The following KDM2B variants were observed in gnomAD, a reference collection of about 807,000 sequenced individuals.
KDM2B encodes lysine-specific demethylase 2B.
Under a neutral mutation model 150.0 loss-of-function variants are expected in KDM2B, and 26 were observed. The ratio of observed to expected loss-of-function variants is 0.17; its 90% CI spans 0.13 to 0.24. The LOEUF is 0.24. KDM2B is among the 10% of genes least tolerant of loss of function. KDM2B has a pLI of 1.00. For synonymous variants in KDM2B, 734 were observed against 729.5 expected, an observed-to-expected ratio of 1.01 and a Z score of -0.10; for missense variants, 1,265 against 1,816.9, an observed-to-expected ratio of 0.70 and a Z score of 5.52.
At chr12:121,476,226 C>A (rs1476427359) in intron 12 of KDM2B, among the ~76,000 whole-genome samples, 1 of 151,460 alleles carries the variant, frequency 6.6e-6, no homozygotes, top group African/African-American at 2.4e-5. Flanking sequence ...ACCCGGGAGG[C>A]GGAGGTTGCA....
chr12:121,510,526 C>A (rs2140902488), intron 10 of KDM2B, among the ~76,000 whole-genome samples: 1 of 152,252 alleles, frequency 6.6e-6, no homozygotes, highest in Admixed American at 6.5e-5. Context: ...GGTGCAGTGG[C>A]TCACGCCTAT....
rs199816914 is a variant in KDM2B at position 121,440,976 on chromosome 12, C to G, written c.3450G>C (p.Gly1150=). ...QLSWLINRLP[G]LRDLVLSGCS... is the part of the protein sequence containing the mutation. ...AGCCTGACAGCACCAAGTCCCGGAG[C>G]CCTGGGGGGACATAGAAAAGGGTGA... The change falls in exon 21 of 23, where the codon GGG becomes GGC. Residue 1150 remains glycine, a splice_region_variant and synonymous_variant. Coordinates refer to ENST00000377071, the MANE Select transcript of KDM2B (RefSeq NM_032590.5). 5 of 1,613,490 alleles carry G rather than the reference C, an allele frequency of 3.1e-6. No homozygotes were observed. In the African/African-American group the frequency reaches 5.3e-5, roughly 17 times the overall value.
the KDM2B span, among the ~76,000 whole-genome samples, chr12:121,423,001 T>A: frequency 6.6e-6 from 1 of 152,196 alleles, no homozygotes; most frequent in Non-Finnish European, 1.5e-5. The surrounding 1 kb of genome is among the most constrained non-coding windows in gnomAD (Gnocchi z 4.3). Context: ...GCAACTGAGT[T>A]AAATTCCAAT....
chr12:121,579,796 C>T (rs1891811065), intron 1 of KDM2B: 2 of 814,184 alleles, frequency 2.5e-6, no homozygotes, highest in Non-Finnish European at 3.0e-6. Flanking sequence ...CCGATACCAC[C>T]TCCCCACTTA....
At chr12:121,471,104 A>G (rs1880724749) in intron 12 of KDM2B, among the ~76,000 whole-genome samples, 1 of 152,222 alleles carries the variant, frequency 6.6e-6, no homozygotes, top group South Asian at 2.1e-4. Context: ...TGGACTATAT[A>G]TACAATACAA....
chr12:121,469,356 C>G (rs1880494956), intron 12 of KDM2B: 2 of 149,862 alleles, frequency 1.3e-5, no homozygotes, highest in Admixed American at 1.3e-4. Flanking sequence ...TGGCTCACGC[C>G]TGTAATCCCA....
At chr12:121,486,809 A>C (rs560938226) in intron 12 of KDM2B, among the ~76,000 whole-genome samples, 6 of 151,890 alleles carry the variant, frequency 4.0e-5, no homozygotes, top group South Asian at 2.1e-4. Context: ...TCATAATCAT[A>C]ATCATCATCA....
chr12:121,463,510 T>A (rs782598340), intron 12 of KDM2B, among the ~76,000 whole-genome samples: 6 of 152,228 alleles, frequency 3.9e-5, no homozygotes, highest in Admixed American at 3.3e-4. Context: ...TATGACCACA[T>A]AAATTTCTGA....
intron 22 of KDM2B, among the ~76,000 whole-genome samples, chr12:121,438,830 T>TAAAAAAA (rs782041300): frequency 9.9e-4 from 136 of 137,758 alleles, no homozygotes; most frequent in African/African-American, 3.5e-3. Flanking sequence ...TTTCTAAGGG[T>TAAAAAAA]AAAAAAAAAA....
At chr12:121,499,204 C>T (rs1361196739) in intron 11 of KDM2B, among the ~76,000 whole-genome samples, 1 of 151,582 alleles carries the variant, frequency 6.6e-6, no homozygotes, top group African/African-American at 2.4e-5. Context: ...TCTACCTCCC[C>T]AGTTCCACCG....
intron 12 of KDM2B, among the ~76,000 whole-genome samples, chr12:121,464,407 G>A (rs1456296089): frequency 3.9e-5 from 6 of 152,242 alleles, no homozygotes; most frequent in Admixed American, 6.5e-5. Context: ...AGCACACAAG[G>A]GGTCTCCCGC....
At position 121,509,712 on chromosome 12, in the gene KDM2B, T is replaced by C. The variant is rs1481529967; in HGVS notation, c.1502A>G (p.Glu501Gly). ...GAGATGGGTCCATTTGGCAGAGACC[T>C]CCGTGGCGGGAGAGCCGGTGGGGGT... The part of the protein sequence containing the change: ...PKTPTGSPAT[E>G]VSAKWTHLTE... Residue 501 changes from glutamate to glycine, a missense_variant, in exon 11 of 23, where the codon GAG becomes GGG. Around this residue, in one of 11 missense-constraint regions of KDM2B, gnomAD observed 154 missense variants for 162.5 expected, o/e 0.95. Coordinates refer to ENST00000377071, the MANE Select transcript of KDM2B (RefSeq NM_032590.5). 6 of 1,613,970 alleles carry C rather than the reference T, an allele frequency of 3.7e-6. No homozygotes were observed. The highest frequency in any genetic ancestry group is 5.1e-6 in the Non-Finnish European group (6 of 1,180,032).
Position 121,513,496 on chromosome 12 carries a change from G to C in KDM2B, c.1048-94C>G. 7.1e-7 allele frequency: 1 copy of C among 1,404,910 alleles called. No individual in the cohort carries two copies. The highest frequency in any genetic ancestry group is 9.9e-7 in the Non-Finnish European group (1 of 1,006,448). The allele number at this position is 1,404,910 out of a possible 1,614,324, so 87.0% of individuals were successfully genotyped here. On this transcript the variant is annotated intron_variant, in intron 9 of 22. Coordinates refer to ENST00000377071, the MANE Select transcript of KDM2B (RefSeq NM_032590.5). The surrounding 1 kb of genome is among the most constrained non-coding windows in gnomAD (Gnocchi z 5.0). ...TGCGGGGCAGGCTCCCTGCAGGTGAGGGTCACTGTCATCATCTTAGCGAGA... is the reference window on the plus strand; with the variant it reads ...TGCGGGGCAGGCTCCCTGCAGGTGACGGTCACTGTCATCATCTTAGCGAGA...
chr12:121,439,384 T>C (rs1270199102), intron 22 of KDM2B, among the ~76,000 whole-genome samples: 2 of 151,130 alleles, frequency 1.3e-5, no homozygotes, highest in Non-Finnish European at 3.0e-5. Flanking sequence ...TGGTAACTTT[T>C]TTTTTTTTTT....
At position 121,523,078 on chromosome 12, in the gene KDM2B, C is replaced by T. The variant is rs906431112; in HGVS notation, c.932-1978G>A. On this transcript the variant is annotated intron_variant, in intron 8 of 22. Coordinates refer to ENST00000377071, the MANE Select transcript of KDM2B (RefSeq NM_032590.5). ...ACACAGCGTGGGGCTAGGAGATGGG[C>T]AGGAGGAGAATCAACCCCAATTCAC... is the stretch of plus-strand genomic sequence containing the variant. 1.2e-4 allele frequency among the ~76,000 whole-genome samples: 18 copies of T among 152,170 alleles called. 1 individual carries two copies. Among genetic ancestry groups the T allele is most frequent in the Admixed American group, 1.2e-3 (18 of 15,280 alleles).
intron 12 of KDM2B, among the ~76,000 whole-genome samples, chr12:121,455,868 G>T (rs1555292613): frequency 6.6e-6 from 1 of 152,194 alleles, no homozygotes; most frequent in Non-Finnish European, 1.5e-5. Flanking sequence ...AGTAAAACGA[G>T]ATCAGTTTTC....
chr12:121,548,212 A>G (rs781554538), intron 6 of KDM2B, among the ~76,000 whole-genome samples: 9 of 152,168 alleles, frequency 5.9e-5, no homozygotes, highest in Non-Finnish European at 8.8e-5. Context: ...GGTTGCAGTC[A>G]GCAGAGATCG....
At chr12:121,460,744 A>G (rs1444267301) in intron 12 of KDM2B, among the ~76,000 whole-genome samples, 2 of 151,944 alleles carry the variant, frequency 1.3e-5, no homozygotes, top group African/African-American at 4.8e-5. Context: ...GTCATTCATC[A>G]ATATCTGTAT....
intron 12 of KDM2B, among the ~76,000 whole-genome samples, chr12:121,460,690 G>C (rs1017178361): frequency 6.6e-6 from 1 of 152,162 alleles, no homozygotes; most frequent in Non-Finnish European, 1.5e-5. Context: ...TTACAGGTGT[G>C]AGCCATCGAA....
Sources: gnomAD v4.1 joint callset for allele counts (sites outside exome capture counted in the v4.1 genomes callset) on GRCh38, gnomAD v4.1.1 for gene constraint, gnomAD v4.1.1 regional missense constraint, Gnocchi (gnomAD v3.1) non-coding constraint, MANE v1.5 for transcripts, NCBI Gene and HGNC (gene_info 2026-07-23, HGNC 2026-07-21) for gene names.